The following ESR1 variants were observed in gnomAD, a reference collection of about 807,000 sequenced individuals.
ESR1 encodes the protein estrogen receptor 1.
In ESR1, 12 loss-of-function variants were observed where a neutral mutation model predicts 52.7. That is an observed-to-expected ratio of 0.23 (90% confidence interval 0.15 to 0.37). The LOEUF is 0.37. Among genes scored for constraint, ESR1 ranks in the 10% least tolerant of loss-of-function variants. ESR1 has a pLI of 1.00. For missense variants in ESR1, 584 were observed against 779.7 expected (o/e 0.75, Z 2.99); for synonymous variants, 305 against 316.8 (o/e 0.96, Z 0.39).
At chr6:152,122,244 T>A in intron 6 of ESR1, 1 of 819,720 alleles carries the variant, frequency 1.2e-6, no homozygotes, top group Non-Finnish European at 1.9e-6. Context: ...TTGTTGTCTG[T>A]TTGTTCCCCC....
At chr6:151,945,184 C>T (rs1342347743) in intron 4 of ESR1, among the ~76,000 whole-genome samples, 1 of 152,056 alleles carries the variant, frequency 6.6e-6, no homozygotes, top group Non-Finnish European at 1.5e-5. Flanking sequence ...TGTGGAGTGC[C>T]ACTGCACTCC....
intron 1 of ESR1, among the ~76,000 whole-genome samples, chr6:151,831,355 G>A (rs1782381730): frequency 6.6e-6 from 1 of 152,054 alleles, no homozygotes; most frequent in Non-Finnish European, 1.5e-5. Context: ...GCCCAGGCTG[G>A]TCTCTAACTC....
intron 6 of ESR1, among the ~76,000 whole-genome samples, chr6:152,116,765 T>C (rs2051215609): frequency 6.6e-6 from 1 of 151,624 alleles, no homozygotes. Flanking sequence ...TTTGTTTTTA[T>C]ATTATACAAA....
At chr6:151,855,794 CAG>C (rs1480123889) in intron 2 of ESR1, among the ~76,000 whole-genome samples, 2 of 152,044 alleles carry the variant, frequency 1.3e-5, no homozygotes, top group African/African-American at 4.8e-5. Flanking sequence ...CAAGAGAAAA[CAG>C]AATGCTCTAG....
At chr6:151,822,435 C>T (rs962820771) in intron 1 of ESR1, among the ~76,000 whole-genome samples, 3 of 152,318 alleles carry the variant, frequency 2.0e-5, no homozygotes, top group Admixed American at 6.5e-5. Context: ...TCACTCCCCT[C>T]GTGATACTCT....
intron 4 of ESR1, among the ~76,000 whole-genome samples, chr6:151,985,083 C>T (rs775534371): frequency 2.0e-5 from 3 of 152,082 alleles, no homozygotes; most frequent in Non-Finnish European, 2.9e-5. Context: ...TAGAGTACTA[C>T]ACAAATGAAA....
chr6:152,023,711 CA>C (rs2043883386), intron 5 of ESR1, among the ~76,000 whole-genome samples: 1 of 152,048 alleles, frequency 6.6e-6, no homozygotes, highest in Admixed American at 6.6e-5. Context: ...TAACAATTTC[CA>C]CTTAATTTAT....
chr6:152,001,738 G>T (rs972751834), intron 4 of ESR1, among the ~76,000 whole-genome samples: 5 of 151,998 alleles, frequency 3.3e-5, no homozygotes, highest in African/African-American at 7.2e-5. Flanking sequence ...CTTCAAAGGT[G>T]GGGTGGAAGA....
intron 6 of ESR1, among the ~76,000 whole-genome samples, chr6:152,084,124 G>A (rs1241646617): frequency 3.9e-5 from 6 of 152,158 alleles, no homozygotes; most frequent in Non-Finnish European, 8.8e-5. Flanking sequence ...CCTTTGCAGG[G>A]ACGTGGATGA....
At chr6:152,113,328 C>G (rs2051169553) in intron 6 of ESR1, among the ~76,000 whole-genome samples, 1 of 152,194 alleles carries the variant, frequency 6.6e-6, no homozygotes, top group African/African-American at 2.4e-5. Context: ...CCACAGGTAC[C>G]CTCCTGATGA....
rs149197543 is a variant in ESR1, at chr6:151,775,437, A to G, written c.-70-32406A>G. Among the ~76,000 whole-genome samples the G allele has an allele frequency of 2.8e-4, 42 of 152,192 alleles. 1 individual carries two copies. The East Asian group carries it at 7.2e-3, about 26-fold the overall frequency. ...TTGGATTTTTGGATTAGGGATACTC[A>G]ACCTGTACTAGCGTGTTAAAACAGT... On this transcript the variant is annotated intron_variant, in intron 2 of 2. Transcript: ENST00000404742.
intron 1 of ESR1, among the ~76,000 whole-genome samples, chr6:151,698,478 T>G (rs971181958): frequency 1.3e-5 from 2 of 152,162 alleles, no homozygotes; most frequent in African/African-American, 4.8e-5. Context: ...TGCACTGATT[T>G]AGGATTCTGC....
chr6:151,857,777 C>T (rs957946577), intron 2 of ESR1, among the ~76,000 whole-genome samples: 11 of 152,094 alleles, frequency 7.2e-5, no homozygotes, highest in Non-Finnish European at 1.5e-4. Flanking sequence ...GATTTGCCTG[C>T]CTCGGTCTCC....
At chr6:151,729,308 T>C (rs1782070641) in intron 2 of ESR1, among the ~76,000 whole-genome samples, 2 of 152,086 alleles carry the variant, frequency 1.3e-5, no homozygotes, top group African/African-American at 4.8e-5. Flanking sequence ...GGCCTTGGAC[T>C]TCCCAGCCTC....
intron 5 of ESR1, among the ~76,000 whole-genome samples, chr6:152,035,190 A>G (rs1375611651): frequency 2.0e-5 from 3 of 152,134 alleles, no homozygotes; most frequent in Non-Finnish European, 2.9e-5. Context: ...TTGCTAATAT[A>G]CAATCCCACC....
intron 2 of ESR1, among the ~76,000 whole-genome samples, chr6:151,759,216 A>G (rs917432029): frequency 6.9e-6 from 1 of 145,102 alleles, no homozygotes; most frequent in Non-Finnish European, 1.5e-5. Context: ...CAGAGGTTGC[A>G]GTGAGCCGAG....
chr6:151,898,016 A>C (rs1306595979), intron 3 of ESR1, among the ~76,000 whole-genome samples: 2 of 152,206 alleles, frequency 1.3e-5, no homozygotes, highest in Non-Finnish European at 2.9e-5. Flanking sequence ...GAAGCTGAAG[A>C]TAGGGCCCCA....
At chr6:152,003,379 A>G (rs1269400426) in intron 4 of ESR1, among the ~76,000 whole-genome samples, 1 of 149,612 alleles carries the variant, frequency 6.7e-6, no homozygotes, top group African/African-American at 2.5e-5. Context: ...TGTGAAAACA[A>G]ATATACATAT....
In ESR1 at chr6:152,061,237, A is replaced by G. The variant is rs1366811829; in HGVS notation, c.1369+113A>G. ...ATAATGTCATAAATAGAAAGAAACT[A>G]CTGACACACGTTTTAAAATAACCTA... On this transcript the variant is annotated intron_variant, in intron 6 of 7. Transcript: ENST00000206249. This position sits in a 1 kb window ranked among gnomAD's most constrained non-coding sequence, Gnocchi z 4.3. 1.9e-6 allele frequency: 2 copies of G among 1,042,166 alleles called. No individual in the cohort carries two copies. Among genetic ancestry groups the G allele is most frequent in the African/African-American group, 3.1e-5 (2 of 63,640 alleles). 64.6% of individuals were successfully genotyped at this position (1,042,166 alleles called of 1,614,324 possible). A position where few individuals can be genotyped will look rare whatever the true frequency, so the allele number is the denominator to read the frequency against.
Sources: allele counts gnomAD v4.1 joint callset (sites outside exome capture counted in the v4.1 genomes callset), GRCh38; gene constraint gnomAD v4.1.1; non-coding constraint Gnocchi (gnomAD v3.1); transcripts MANE v1.5; gene names NCBI Gene and HGNC (gene_info 2026-07-23, HGNC 2026-07-21).